Variants in PRKD1 observed in about 807,000 individuals in gnomAD.
PRKD1 encodes serine/threonine-protein kinase D1.
In PRKD1, 63 loss-of-function variants were observed where a neutral mutation model predicts 95.9. The observed-to-expected ratio is 0.66, with a 90% CI of 0.54 to 0.81. The LOEUF (loss-of-function observed/expected upper bound fraction) is 0.81, where lower values mean the gene tolerates loss of function less well. PRKD1 is among the 30% of genes least tolerant of loss of function. The pLI is 0.00. For missense variants in PRKD1, 1,048 were observed against 1,165.3 expected (o/e 0.90, Z 1.47); for synonymous variants, 425 against 423.1 (o/e 1.00, Z -0.05).
chr14:29,885,312 A>G (rs1453968303), intron 1 of PRKD1, among the ~76,000 whole-genome samples: 1 of 152,080 alleles, frequency 6.6e-6, no homozygotes, highest in Non-Finnish European at 1.5e-5. Flanking sequence ...TAAAATGTAT[A>G]GCTTTATTTA....
At chr14:29,904,450 T>C (rs533342421) in intron 1 of PRKD1, among the ~76,000 whole-genome samples, 1 of 152,298 alleles carries the variant, frequency 6.6e-6, no homozygotes, top group East Asian at 1.9e-4. Flanking sequence ...ATAAGGATAA[T>C]AGATGTTTAC....
At chr14:29,790,996 T>C (rs141205928) in intron 1 of PRKD1, among the ~76,000 whole-genome samples, 131 of 152,322 alleles carry the variant, frequency 8.6e-4, no homozygotes, top group African/African-American at 2.7e-3. Context: ...CAGTCACTTA[T>C]AGAATCCATG....
chr14:29,908,675 A>G (rs1016590014), intron 1 of PRKD1, among the ~76,000 whole-genome samples: 1 of 152,248 alleles, frequency 6.6e-6, no homozygotes, highest in Admixed American at 6.5e-5. Flanking sequence ...TAAATTTCAA[A>G]GAGTAGGGTA....
rs147993591 is a variant in PRKD1, at chr14:29,888,031, T to A, written c.264+39218A>T. Among the ~76,000 whole-genome samples the A allele has an allele frequency of 9.5e-4, 145 of 152,346 alleles. 3 individuals are homozygous for A. Among genetic ancestry groups the A allele is most frequent in the African/African-American group, 3.4e-3 (140 of 41,582 alleles). Reference sequence around the variant, plus strand: ...AAATGCCATATGAGGCTGGGTGCAGTGGCTCACACCTTTAATTCCAGCTCT... The same window carrying A: ...AAATGCCATATGAGGCTGGGTGCAGAGGCTCACACCTTTAATTCCAGCTCT... On this transcript the variant is annotated intron_variant, in intron 1 of 17. Coordinates refer to ENST00000331968, the MANE Select transcript of PRKD1 (RefSeq NM_002742.3).
chr14:29,886,032 T>C (rs188242077), intron 1 of PRKD1, among the ~76,000 whole-genome samples: 363 of 152,212 alleles, frequency 2.4e-3, no homozygotes, highest in African/African-American at 8.1e-3. Context: ...ATTTATAGAA[T>C]ACCTGAGCTA....
intron 1 of PRKD1, among the ~76,000 whole-genome samples, chr14:29,885,652 G>A (rs536569594): frequency 2.0e-5 from 3 of 151,960 alleles, no homozygotes; most frequent in Non-Finnish European, 4.4e-5. Flanking sequence ...CATTCTCTAA[G>A]GAGAAGACTT....
chr14:29,924,456 A>G (rs1566674575), intron 1 of PRKD1, among the ~76,000 whole-genome samples: 1 of 152,206 alleles, frequency 6.6e-6, no homozygotes, highest in Non-Finnish European at 1.5e-5. Flanking sequence ...TCAGTTGCTC[A>G]TCCCAAAGGA....
At chr14:29,738,994 C>T (rs1257370148) in intron 1 of PRKD1, among the ~76,000 whole-genome samples, 1 of 152,048 alleles carries the variant, frequency 6.6e-6, no homozygotes, top group Non-Finnish European at 1.5e-5. Context: ...TGCCACCATG[C>T]CTGACTACTT....
chr14:29,892,554 C>G (rs1893976933), intron 1 of PRKD1, among the ~76,000 whole-genome samples: 2 of 152,034 alleles, frequency 1.3e-5, no homozygotes, highest in South Asian at 2.1e-4. Flanking sequence ...TTTTCAGTGC[C>G]AAGAATGACA....
At chr14:29,640,696 C>G (rs1880700104) in intron 4 of PRKD1, among the ~76,000 whole-genome samples, 1 of 152,120 alleles carries the variant, frequency 6.6e-6, no homozygotes, top group African/African-American at 2.4e-5. Flanking sequence ...GCCAATGGGC[C>G]TGTTTTAAGC....
At chr14:29,741,343 A>G (rs1886971498) in intron 1 of PRKD1, among the ~76,000 whole-genome samples, 1 of 152,140 alleles carries the variant, frequency 6.6e-6, no homozygotes, top group South Asian at 2.1e-4. Flanking sequence ...TCATATTTCT[A>G]TATTTTACAC....
At chr14:29,794,184 A>T (rs921888573) in intron 1 of PRKD1, among the ~76,000 whole-genome samples, 1 of 151,958 alleles carries the variant, frequency 6.6e-6, no homozygotes, top group Non-Finnish European at 1.5e-5. Context: ...TTGAGTTTTT[A>T]TTTTATTCAT....
chr14:29,840,881 G>A (rs748066438), intron 1 of PRKD1, among the ~76,000 whole-genome samples: 13 of 152,182 alleles, frequency 8.5e-5, no homozygotes, highest in South Asian at 6.2e-4. Context: ...CCCACAACAC[G>A]TGGGAATTCA....
intron 1 of PRKD1, among the ~76,000 whole-genome samples, chr14:29,807,353 G>A (rs1166114719): frequency 2.0e-5 from 3 of 151,906 alleles, no homozygotes; most frequent in African/African-American, 7.3e-5. Flanking sequence ...TGATCACAGT[G>A]GTGATTGCTG....
chr14:29,581,581 T>C (rs1401508621), intron 16 of PRKD1, among the ~76,000 whole-genome samples: 2 of 152,170 alleles, frequency 1.3e-5, no homozygotes, highest in Non-Finnish European at 2.9e-5. Context: ...TTAAACACTA[T>C]GGCAGACTGC....
intron 1 of PRKD1, among the ~76,000 whole-genome samples, chr14:29,818,957 T>C (rs1461101754): frequency 6.6e-6 from 1 of 151,802 alleles, no homozygotes; most frequent in African/African-American, 2.4e-5. Context: ...ATAAGCAAAA[T>C]CTACTGACCT....
chr14:29,779,136 C>G (rs1395858137), intron 1 of PRKD1, among the ~76,000 whole-genome samples: 4 of 152,132 alleles, frequency 2.6e-5, no homozygotes, highest in Non-Finnish European at 5.9e-5. Context: ...TGAGACGTAT[C>G]TCAAAATGAT....
rs1892742999 is a variant in PRKD1 at position 29,862,442 on chromosome 14, T to C, written c.264+64807A>G. Among the ~76,000 whole-genome samples, 4 of 152,202 alleles carry C rather than the reference T, an allele frequency of 2.6e-5. No homozygotes were observed. The South Asian group carries it at 8.3e-4, about 32-fold the overall frequency. On this transcript the variant is annotated intron_variant, in intron 1 of 17. Transcript: ENST00000331968. The stretch of plus-strand genomic sequence containing the variant: ...GTATGGTAGCTCTATTTTTAGTTTT[T>C]TGAGGAACATCCAAACTGTTCTCCA...
chr14:29,816,047 A>T (rs549125189), intron 1 of PRKD1, among the ~76,000 whole-genome samples: 1 of 152,034 alleles, frequency 6.6e-6, no homozygotes, highest in Non-Finnish European at 1.5e-5. Context: ...GTGAAACCCC[A>T]TCTCTACTAA....
Sources: gnomAD v4.1 joint callset for allele counts (sites outside exome capture counted in the v4.1 genomes callset) on GRCh38, gnomAD v4.1.1 for gene constraint, MANE v1.5 for transcripts, NCBI Gene and HGNC (gene_info 2026-07-23, HGNC 2026-07-21) for gene names.